TTL: variants seen among roughly 807,000 people sequenced by gnomAD.
TTL encodes the protein tubulin tyrosine ligase, also known as tubulin--tyrosine ligase.
In TTL, 10 loss-of-function variants were observed where a neutral mutation model predicts 41.1. The ratio of observed to expected loss-of-function variants is 0.24; its 90% confidence interval spans 0.15 to 0.41. TTL has a LOEUF of 0.41. Ranked by LOEUF, TTL falls within the 10% of genes least tolerant of loss-of-function variation. The pLI, the probability that TTL is intolerant of heterozygous loss-of-function variation, is 1.00. For missense variants in TTL, 367 were observed against 460.4 expected (o/e 0.80, Z 1.86); for synonymous variants, 175 against 175.5 (o/e 1.00, Z 0.02).
chr2:112,501,946 C>T (rs1298575990), intron 4 of TTL, among the ~76,000 whole-genome samples: 1 of 152,060 alleles, frequency 6.6e-6, no homozygotes, highest in African/African-American at 2.4e-5. Flanking sequence ...TGGTCTTGCT[C>T]ATGGAATAAA....
Position 112,520,273 on chromosome 2 carries a change from G to T in TTL, c.876-9G>T, listed in dbSNP as rs374502066. 94 of 1,613,534 alleles carry T rather than the reference G, an allele frequency of 5.8e-5. No homozygotes were observed. In the South Asian group the frequency reaches 9.3e-4, roughly 16 times the overall value. ...CGTTCTAATGAGCATTTCCCCTCCT[G>T]CCTCATAGGAACTGCCTCCTGAGCG... On this transcript the variant is annotated splice_polypyrimidine_tract_variant and intron_variant, in intron 5 of 6. Coordinates refer to ENST00000233336, the MANE Select transcript of TTL (RefSeq NM_153712.5).
At chr2:112,491,153 G>T (rs546257200) in intron 2 of TTL, among the ~76,000 whole-genome samples, 1 of 151,986 alleles carries the variant, frequency 6.6e-6, no homozygotes, top group African/African-American at 2.4e-5. Context: ...CACCACACCC[G>T]GCTAATTTTT....
At chr2:112,486,818 C>T (rs565105566) in intron 2 of TTL, among the ~76,000 whole-genome samples, 1 of 152,206 alleles carries the variant, frequency 6.6e-6, no homozygotes, top group East Asian at 1.9e-4. Context: ...AGCACAGTGG[C>T]CTGGTACATA....
rs1376880868 is a variant in TTL, at chr2:112,540,054, A to G, written c.*11259A>G. On this transcript the variant is annotated 3_prime_UTR_variant, in exon 7 of 7. Transcript: ENST00000233336. The stretch of plus-strand genomic sequence containing the variant: ...AGACATCCCATGTTTATGGATTGGG[A>G]GATAATTATTGTTAGGATGAAAATA... The G allele has an allele frequency of 6.6e-6, 1 of 152,236 alleles. No individual in the cohort carries two copies. The highest frequency in any genetic ancestry group is 2.4e-5 in the African/African-American group (1 of 41,464). The allele number at this position is 152,236 out of a possible 1,614,324, so 9.4% of individuals were successfully genotyped here.
intron 2 of TTL, 61 bp from the exon 3 acceptor site, chr2:112,494,082 T>C (rs1298105558): frequency 2.2e-6 from 3 of 1,386,274 alleles, no homozygotes; most frequent in African/African-American, 2.9e-5. Flanking sequence ...GAGTGGCCTT[T>C]CTGAAGGGAG....
rs1681741809 is a variant in TTL, at chr2:112,502,972, G to C, written c.666G>C (p.Arg222=). The change falls in exon 5 of 7, where the codon CGG becomes CGC. Residue 222 remains arginine (R), a synonymous_variant. Transcript: ENST00000233336. ...NIYLYREGVL[R]TASEPYHVDN... ...ACCTCTATAGAGAGGGTGTGCTTCG[G>C]ACTGCTTCAGAACCATATCATGTTG... 3 of 1,614,016 alleles carry C rather than the reference G, an allele frequency of 1.9e-6. No homozygotes were observed. The highest frequency in any genetic ancestry group is 8.5e-7 in the Non-Finnish European group (1 of 1,179,992).
chr2:112,526,542 C>T (rs1682377997), intron 6 of TTL, among the ~76,000 whole-genome samples: 1 of 152,238 alleles, frequency 6.6e-6, no homozygotes, highest in East Asian at 1.9e-4. Context: ...AGGAATTTAT[C>T]CATTTCTTCT....
At chr2:112,509,609 C>T (rs922100080) in intron 5 of TTL, among the ~76,000 whole-genome samples, 1 of 152,204 alleles carries the variant, frequency 6.6e-6, no homozygotes, top group Non-Finnish European at 1.5e-5. Context: ...TTCTTTGACT[C>T]GGAAAGGGAA....
chr2:112,522,792 C>G (rs1014601379), intron 6 of TTL, among the ~76,000 whole-genome samples: 1 of 152,168 alleles, frequency 6.6e-6, no homozygotes, highest in Non-Finnish European at 1.5e-5. Context: ...TCCTGCCCAT[C>G]AGGGCCCTGT....
chr2:112,492,773 C>A (rs1681424659), intron 2 of TTL, among the ~76,000 whole-genome samples: 1 of 151,674 alleles, frequency 6.6e-6, no homozygotes, highest in African/African-American at 2.4e-5. Context: ...CGTCTGTAAT[C>A]CCAGCTACTC....
intron 5 of TTL, among the ~76,000 whole-genome samples, chr2:112,512,615 T>A (rs934276289): frequency 2.0e-5 from 3 of 152,094 alleles, no homozygotes; most frequent in African/African-American, 7.2e-5. Context: ...CAGGCTGGTC[T>A]GGAATTTCCG....
At chr2:112,518,870 T>G (rs1046794828) in intron 5 of TTL, among the ~76,000 whole-genome samples, 2 of 152,090 alleles carry the variant, frequency 1.3e-5, no homozygotes, top group Non-Finnish European at 2.9e-5. Flanking sequence ...AGATGGGGTT[T>G]TGCCATGTTG....
chr2:112,521,117 G>A (rs2104474205), intron 6 of TTL: 1 of 940,600 alleles, frequency 1.1e-6, no homozygotes, highest in Non-Finnish European at 1.3e-6. Flanking sequence ...GTCTGGAGCT[G>A]GGGTGCAAGA....
At chr2:112,495,801 C>T (rs866211741) in intron 3 of TTL, among the ~76,000 whole-genome samples, 3 of 152,060 alleles carry the variant, frequency 2.0e-5, no homozygotes, top group East Asian at 1.9e-4. Flanking sequence ...AAGCTGAGAT[C>T]GCACCTTCAG....
rs984590597 is a variant in TTL at position 112,530,111 on chromosome 2, G to A, written c.*1316G>A. 7 of 229,566 alleles carry A rather than the reference G, an allele frequency of 3.0e-5. No individual in the cohort carries two copies. The highest frequency in any genetic ancestry group is 1.9e-4 in the East Asian group (3 of 16,132). The allele number at this position is 229,566 out of a possible 1,614,324, so 14.2% of individuals were successfully genotyped here. Reference sequence around the variant, plus strand: ...TGAAAACTGCCCTCCCCACCAGAACGTGCTACGTTCTTTCTTCATGCCTAT... The same window carrying A: ...TGAAAACTGCCCTCCCCACCAGAACATGCTACGTTCTTTCTTCATGCCTAT... On this transcript the variant is annotated 3_prime_UTR_variant, in exon 7 of 7. Coordinates refer to ENST00000233336, the MANE Select transcript of TTL (RefSeq NM_153712.5).
intron 6 of TTL, among the ~76,000 whole-genome samples, chr2:112,524,320 T>C (rs1682320594): frequency 6.6e-6 from 1 of 152,256 alleles, no homozygotes; most frequent in African/African-American, 2.4e-5. Flanking sequence ...AGTAATGGGA[T>C]GGCTGGGTCA....
chr2:112,525,133 C>G (rs1422304896), intron 6 of TTL, among the ~76,000 whole-genome samples: 2 of 152,128 alleles, frequency 1.3e-5, no homozygotes, highest in East Asian at 3.9e-4. Context: ...GGGCTCTGTT[C>G]TGTTCCATTG....
chr2:112,525,893 T>G (rs1390407360), intron 6 of TTL, among the ~76,000 whole-genome samples: 1 of 152,232 alleles, frequency 6.6e-6, no homozygotes, highest in African/African-American at 2.4e-5. Context: ...TTCCAGTTTT[T>G]GCCCATTCAG....
intron 5 of TTL, among the ~76,000 whole-genome samples, chr2:112,512,487 C>A (rs1681950849): frequency 6.6e-6 from 1 of 152,172 alleles, no homozygotes; most frequent in Non-Finnish European, 1.5e-5. Flanking sequence ...TGGTCTCGAT[C>A]TCCTGACCTC....
Sources: gnomAD v4.1 joint callset for allele counts (sites outside exome capture counted in the v4.1 genomes callset) on GRCh38, gnomAD v4.1.1 for gene constraint, MANE v1.5 for transcripts, NCBI Gene and HGNC (gene_info 2026-07-23, HGNC 2026-07-21) for gene names.